KIF6: variants seen among roughly 807,000 people sequenced by gnomAD.
KIF6 encodes the protein kinesin-like protein KIF6.
In KIF6, 106 loss-of-function variants were observed where a neutral mutation model predicts 112.7. The ratio of observed to expected loss-of-function variants is 0.94; its 90% CI spans 0.80 to 1.11. The LOEUF (loss-of-function observed/expected upper bound fraction) is 1.11, where lower values mean the gene tolerates loss of function less well. Among genes scored for constraint, KIF6 ranks in the 50% least tolerant of loss-of-function variants. The probability of loss-of-function intolerance (pLI) is 0.00; values close to 1 mark genes in which losing one functional copy is unlikely to be tolerated. For missense variants in KIF6, 929 were observed against 964.0 expected, an observed-to-expected ratio of 0.96 and a Z score of 0.48; for synonymous variants, 339 against 339.9, an observed-to-expected ratio of 1.00 and a Z score of 0.03.
At position 39,343,304 on chromosome 6, in the gene KIF6, C is replaced by G. The variant is rs765426473; in HGVS notation, c.2428+405G>C. 34 of 1,292,826 alleles carry G rather than the reference C, an allele frequency of 2.6e-5. No individual in the cohort carries two copies. The highest frequency in any genetic ancestry group is 1.9e-5 in the Non-Finnish European group (19 of 991,068). The allele number at this position is 1,292,826 out of a possible 1,614,324, so 80.1% of individuals were successfully genotyped here. ...ACAGCTCTTTGGCAAGAACCACACT[C>G]TGATAGGGGAGTGAGACTTTAAGCC... On this transcript the variant is annotated intron_variant, in intron 22 of 22. Transcript: ENST00000287152. The surrounding 1 kb of genome is among the most constrained non-coding windows in gnomAD (Gnocchi z 4.1).
chr6:39,526,898 G>T (rs529691196), intron 13 of KIF6, among the ~76,000 whole-genome samples: 1 of 152,208 alleles, frequency 6.6e-6, no homozygotes, highest in South Asian at 2.1e-4. Context: ...TGATTTCAAA[G>T]CAGAGGTAGG....
At chr6:39,561,267 T>C (rs1194136096) in intron 10 of KIF6, among the ~76,000 whole-genome samples, 2 of 152,172 alleles carry the variant, frequency 1.3e-5, no homozygotes, top group African/African-American at 4.8e-5. Context: ...TAGATTACAT[T>C]GAATATTTAT....
intron 13 of KIF6, among the ~76,000 whole-genome samples, chr6:39,518,286 T>A (rs1451568661): frequency 6.6e-6 from 1 of 152,220 alleles, no homozygotes; most frequent in African/African-American, 2.4e-5. Flanking sequence ...GTGTGGACTA[T>A]GTGAGCTCTA....
chr6:39,614,486 C>A (rs1783400053), intron 5 of KIF6, among the ~76,000 whole-genome samples: 2 of 152,018 alleles, frequency 1.3e-5, no homozygotes, highest in South Asian at 4.2e-4. Flanking sequence ...TTTTTTTCAT[C>A]TTTCCCTTTT....
chr6:39,393,308 TGCATCCA>T (rs1402232543), intron 15 of KIF6, among the ~76,000 whole-genome samples: 1 of 152,196 alleles, frequency 6.6e-6, no homozygotes, highest in African/African-American at 2.4e-5. Context: ...CCCTTGGGTT[TGCATCCA>T]GCTGGGCCAC....
rs569523851 is a variant in KIF6 at position 39,364,994 on chromosome 6, C to T, written c.1862-2476G>A. 9.2e-5 allele frequency among the ~76,000 whole-genome samples: 14 copies of T among 152,278 alleles called. No individual in the cohort carries two copies. In the South Asian group the frequency reaches 1.2e-3, roughly 14 times the overall value. Reference sequence around the variant, plus strand: ...TTAAAAATAAGTGATTGTTAAAATGCGTCCTGTTTCAGTGTGATTGTCCTT... The same window carrying T: ...TTAAAAATAAGTGATTGTTAAAATGTGTCCTGTTTCAGTGTGATTGTCCTT... On this transcript the variant is annotated intron_variant, in intron 16 of 22. Transcript: ENST00000287152.
intron 10 of KIF6, among the ~76,000 whole-genome samples, chr6:39,558,033 C>T (rs1412631920): frequency 3.3e-5 from 5 of 151,368 alleles, no homozygotes; most frequent in Non-Finnish European, 4.4e-5. Flanking sequence ...TCTCACAACT[C>T]TCAGAGCAAA....
rs1007391113 is a variant in KIF6, at chr6:39,336,414, A to T, written c.*118T>A. The T allele has an allele frequency of 7.4e-6, 7 of 946,658 alleles. No homozygotes were observed. In the African/African-American group the frequency reaches 1.1e-4, roughly 15 times the overall value. 58.6% of individuals were successfully genotyped at this position (946,658 alleles called of 1,614,324 possible). The stretch of plus-strand genomic sequence containing the variant: ...AGTCCCCTCCATGGGAATCAAAGTC[A>T]CTAGTTGCTCCCAGCAGCCCATAGT... On this transcript the variant is annotated 3_prime_UTR_variant, in exon 23 of 23. Coordinates refer to ENST00000287152, the MANE Select transcript of KIF6 (RefSeq NM_145027.6).
chr6:39,493,585 G>C (rs1169588167), intron 13 of KIF6, among the ~76,000 whole-genome samples: 1 of 152,140 alleles, frequency 6.6e-6, no homozygotes, highest in Non-Finnish European at 1.5e-5. Context: ...GTGATGGGTG[G>C]AGGTGTTAAA....
rs1350446583 is a variant in KIF6, at chr6:39,385,649, G to T, written c.1834C>A (p.Gln612Lys). ...AGGGCTACTTGCTGTATATGCCGCT[G>T]GGTGATTTCTTCCTTCAGGTGACCT... ...KIGHLKEEIT[Q>K]RHIQQVALGI... is the part of the protein sequence containing the mutation. The change falls in exon 16 of 23, where the codon CAG becomes AAG. Residue 612 changes from glutamine to lysine, a missense_variant. Gln to Lys is a moderately conservative substitution (Grantham distance 53). Transcript: ENST00000287152. 1 of 1,613,774 alleles carries T rather than the reference G, an allele frequency of 6.2e-7. No homozygotes were observed. The highest frequency in any genetic ancestry group is 1.7e-5 in the Admixed American group (1 of 60,010).
At chr6:39,614,262 G>A (rs570929918) in intron 5 of KIF6, among the ~76,000 whole-genome samples, 1 of 152,294 alleles carries the variant, frequency 6.6e-6, no homozygotes, top group African/African-American at 2.4e-5. Context: ...GTTAAGGAAA[G>A]GAAATCTTAT....
At chr6:39,446,238 T>C (rs763847495) in intron 13 of KIF6, among the ~76,000 whole-genome samples, 3 of 152,216 alleles carry the variant, frequency 2.0e-5, no homozygotes, top group Non-Finnish European at 2.9e-5. Flanking sequence ...CTTAATGGTA[T>C]TGTGAGGAGT....
chr6:39,367,601 C>A (rs1294171064), intron 16 of KIF6, among the ~76,000 whole-genome samples: 4 of 152,072 alleles, frequency 2.6e-5, no homozygotes, highest in African/African-American at 9.7e-5. Flanking sequence ...CACAGACGCA[C>A]AGTCCCAGGC....
intron 13 of KIF6, among the ~76,000 whole-genome samples, chr6:39,445,682 T>C (rs972282037): frequency 7.2e-5 from 11 of 152,178 alleles, no homozygotes; most frequent in African/African-American, 2.7e-4. Flanking sequence ...GTGGTCAGAT[T>C]GCAGAAGGAT....
intron 13 of KIF6, among the ~76,000 whole-genome samples, chr6:39,491,472 G>T (rs1227940171): frequency 6.6e-6 from 1 of 152,162 alleles, no homozygotes; most frequent in Non-Finnish European, 1.5e-5. Context: ...AACTGTCAGA[G>T]ATAATAATAG....
intron 3 of KIF6, among the ~76,000 whole-genome samples, chr6:39,703,523 TA>T (rs1789006551): frequency 6.6e-6 from 1 of 152,160 alleles, no homozygotes; most frequent in Non-Finnish European, 1.5e-5. Context: ...TTATATAAAA[TA>T]ATATATATTC....
chr6:39,440,270 T>G (rs1420831703), intron 13 of KIF6, among the ~76,000 whole-genome samples: 1 of 152,058 alleles, frequency 6.6e-6, no homozygotes, highest in Non-Finnish European at 1.5e-5. Flanking sequence ...GGAATCGTAT[T>G]GAAGGATGAT....
At chr6:39,627,429 G>A (rs1053026953) in intron 5 of KIF6, among the ~76,000 whole-genome samples, 13 of 152,106 alleles carry the variant, frequency 8.5e-5, no homozygotes, top group African/African-American at 2.9e-4. Context: ...CAGGGACTAC[G>A]TTAGCAAACA....
intron 3 of KIF6, among the ~76,000 whole-genome samples, chr6:39,666,949 G>A (rs1786503645): frequency 6.6e-6 from 1 of 152,140 alleles, no homozygotes; most frequent in South Asian, 2.1e-4. Flanking sequence ...ATAATAATTA[G>A]CTTTTAAACT....
Sources: allele counts gnomAD v4.1 joint callset (sites outside exome capture counted in the v4.1 genomes callset), GRCh38; gene constraint gnomAD v4.1.1; non-coding constraint Gnocchi (gnomAD v3.1); transcripts MANE v1.5; gene names NCBI Gene and HGNC (gene_info 2026-07-23, HGNC 2026-07-21).